The following MYLK variants were observed in gnomAD, a reference collection of about 807,000 sequenced individuals.
MYLK encodes myosin light chain kinase, smooth muscle.
A neutral mutation model predicts 203.4 loss-of-function variants in MYLK; 106 were observed. That is an observed-to-expected ratio of 0.52 (90% CI 0.45 to 0.61). MYLK has a LOEUF of 0.61. MYLK is among the 20% of genes least tolerant of loss of function. The pLI is 0.00. For synonymous variants in MYLK, 867 were observed against 959.5 expected (o/e 0.90, Z 1.78); for missense variants, 2,072 against 2,442.3 (o/e 0.85, Z 3.20).
Position 123,700,246 on chromosome 3 carries a change from A to G in MYLK, c.3222T>C (p.Asp1074=), listed in dbSNP as rs2108578460. The G allele has an allele frequency of 5.0e-6, 8 of 1,613,156 alleles. No homozygotes were observed. Among genetic ancestry groups the G allele is most frequent in the East Asian group, 2.3e-5 (1 of 44,284 alleles). Residue 1074 remains aspartate (D), a synonymous_variant, in exon 18 of 34, where the codon GAT becomes GAC. Transcript: ENST00000360304. The part of the protein sequence containing the change: ...KEELKKDVKN[D]VNCKRGHAGT... ...CTGCATGGCCTCTCTTGCAGTTCACATCATTCTTAACGTCTTTCTTGAGTT... is the reference window on the plus strand; with the variant it reads ...CTGCATGGCCTCTCTTGCAGTTCACGTCATTCTTAACGTCTTTCTTGAGTT...
At chr3:123,692,992 A>G (rs2060744600) in intron 18 of MYLK, 141 bp from the exon 19 acceptor site, 2 of 734,632 alleles carry the variant, frequency 2.7e-6, no homozygotes, top group Admixed American at 3.9e-5. Context: ...CCAATCCCCC[A>G]CTCCTCACCA....
Position 123,762,927 on chromosome 3 carries a change from T to C in MYLK, c.166-10389A>G, listed in dbSNP as rs139937685. ...TTACTCGGTCTGTGGTATTTTGTTA[T>C]AGCAGCACAAACTTTAAATGGACTA... is the stretch of plus-strand genomic sequence containing the variant. On this transcript the variant is annotated intron_variant, in intron 4 of 33. Transcript: ENST00000360304. Among the ~76,000 whole-genome samples, 1,280 of 152,326 alleles carry C rather than the reference T, an allele frequency of 8.4e-3. 55 individuals are homozygous for C. Among genetic ancestry groups the C allele is most frequent in the Admixed American group, 0.079 (1,213 of 15,294 alleles).
intron 4 of MYLK, among the ~76,000 whole-genome samples, chr3:123,777,284 G>A (rs1211603616): frequency 6.6e-6 from 1 of 152,264 alleles, no homozygotes; most frequent in African/African-American, 2.4e-5. Flanking sequence ...GGGGCCTAGA[G>A]AATGTAAGCA....
chr3:123,709,204 G>A (rs538019650), intron 14 of MYLK: 3 of 220,912 alleles, frequency 1.4e-5, no homozygotes, highest in Non-Finnish European at 2.7e-5. Context: ...GCAGTGGTGC[G>A]ATCTCGGCTC....
chr3:123,733,990 G>T lies in MYLK; in HGVS notation c.1006C>A (p.Pro336Thr), dbSNP rs764660783. 6.2e-7 allele frequency: 1 copy of T among 1,614,176 alleles called. No individual in the cohort carries two copies. The highest frequency in any genetic ancestry group is 1.1e-5 in the South Asian group (1 of 91,066). Residue 336 changes from proline (P) to threonine (T), a missense_variant, in exon 10 of 34, where the codon CCG becomes ACG. Physicochemically the swap from Pro to Thr is conservative, Grantham distance 38. Coordinates refer to ENST00000360304, the MANE Select transcript of MYLK (RefSeq NM_053025.4). ...KDSPRTAPQT[P>T]VLQKTSSSIT... ...GAGCTGGAAGTCTTCTGAAGGACCG[G>T]GGTCTGCGGGGCCGTTCTGGGCGAG...
intron 12 of MYLK, among the ~76,000 whole-genome samples, chr3:123,724,579 G>A (rs958659521): frequency 3.3e-5 from 5 of 152,076 alleles, no homozygotes; most frequent in African/African-American, 9.7e-5. Flanking sequence ...AGGAAGACTA[G>A]ATGGCACTTC....
At chr3:123,754,876 G>A (rs1029508875) in intron 4 of MYLK, among the ~76,000 whole-genome samples, 2 of 152,044 alleles carry the variant, frequency 1.3e-5, no homozygotes, top group African/African-American at 2.4e-5. Flanking sequence ...ATCTAGTAGC[G>A]GAAATAAAAG....
At chr3:123,776,133 G>A (rs1576933356) in intron 4 of MYLK, among the ~76,000 whole-genome samples, 1 of 152,328 alleles carries the variant, frequency 6.6e-6, no homozygotes, top group Admixed American at 6.5e-5. Flanking sequence ...GTGGCAGCAG[G>A]ACAAGAGGCC....
chr3:123,751,596 C>G (rs1260829885), intron 5 of MYLK, among the ~76,000 whole-genome samples: 1 of 152,142 alleles, frequency 6.6e-6, no homozygotes, highest in African/African-American at 2.4e-5. Context: ...ATTCATTCCT[C>G]AAATATTTCA....
At chr3:123,757,020 C>T (rs757613302) in intron 4 of MYLK, among the ~76,000 whole-genome samples, 20 of 152,184 alleles carry the variant, frequency 1.3e-4, no homozygotes, top group African/African-American at 4.8e-5. Context: ...TCATTCTGTG[C>T]TTGCTGAAGG....
At position 123,615,108 on chromosome 3, in the gene MYLK, C is replaced by T. The variant is rs547044394; in HGVS notation, c.5501-759G>A. Among the ~76,000 whole-genome samples, 3 of 150,194 alleles carry T rather than the reference C, an allele frequency of 2.0e-5. No homozygotes were observed. The East Asian group carries it at 6.2e-4, about 31-fold the overall frequency. ...GGGATTACAGGTGTGAGCCACCACA[C>T]CCACCCATCTTTAAACAGACATAGA... is the stretch of plus-strand genomic sequence containing the variant. On this transcript the variant is annotated intron_variant, in intron 33 of 33. Transcript: ENST00000360304.
chr3:123,836,310 G>C (rs1231847966), intron 2 of MYLK, among the ~76,000 whole-genome samples: 1 of 152,116 alleles, frequency 6.6e-6, no homozygotes, highest in Non-Finnish European at 1.5e-5. Flanking sequence ...CCAGCTCCTA[G>C]GTATCCAGCA....
At chr3:123,838,599 G>T (rs2148641807) in intron 2 of MYLK, among the ~76,000 whole-genome samples, 1 of 152,164 alleles carries the variant, frequency 6.6e-6, no homozygotes, top group South Asian at 2.1e-4. Context: ...GTATGTAAAA[G>T]AAAAATGCAT....
intron 4 of MYLK, among the ~76,000 whole-genome samples, chr3:123,786,222 GA>G (rs1270005955): frequency 1.3e-5 from 2 of 151,486 alleles, no homozygotes; most frequent in Non-Finnish European, 2.9e-5. Flanking sequence ...AGTGTCGCTC[GA>G]ACCTGGGAGG....
At chr3:123,698,360 G>A (rs1355217038) in intron 18 of MYLK, among the ~76,000 whole-genome samples, 1 of 152,188 alleles carries the variant, frequency 6.6e-6, no homozygotes, top group African/African-American at 2.4e-5. Flanking sequence ...AGAGAGCCAG[G>A]GGACAGCCCC....
intron 16 of MYLK, among the ~76,000 whole-genome samples, chr3:123,703,110 C>T (rs1191753779): frequency 6.6e-6 from 1 of 152,198 alleles, no homozygotes; most frequent in African/African-American, 2.4e-5. Flanking sequence ...CCTGGACAGG[C>T]ATCTGAGCAT....
At chr3:123,664,380 G>C (rs529155277) in intron 22 of MYLK, 122 bp from the exon 23 acceptor site, 1 of 1,373,212 alleles carries the variant, frequency 7.3e-7, no homozygotes, top group South Asian at 1.2e-5. Flanking sequence ...GGGGGGCTCA[G>C]TCTGGTCTGG....
intron 4 of MYLK, among the ~76,000 whole-genome samples, chr3:123,784,376 C>CTTTTTTTT (rs576849217): frequency 5.1e-5 from 4 of 78,688 alleles, no homozygotes; most frequent in East Asian, 4.5e-4. Flanking sequence ...GGTTGACTTT[C>CTTTTTTTT]TTTTTTTTTT....
chr3:123,800,085 T>C (rs1045736860), intron 3 of MYLK: 1 of 152,188 alleles, frequency 6.6e-6, no homozygotes, highest in Non-Finnish European at 1.5e-5. Context: ...GATCTGTTGT[T>C]CTAATCCGCC....
Sources: allele counts gnomAD v4.1 joint callset (sites outside exome capture counted in the v4.1 genomes callset), GRCh38; gene constraint gnomAD v4.1.1; transcripts MANE v1.5; gene names NCBI Gene and HGNC (gene_info 2026-07-23, HGNC 2026-07-21).